The following HS3ST2 variants were observed in gnomAD, a reference collection of about 807,000 sequenced individuals.
The protein encoded by HS3ST2 is heparan sulfate-glucosamine 3-sulfotransferase 2.
A neutral mutation model predicts 26.3 loss-of-function variants in HS3ST2; 17 were observed. The observed-to-expected ratio is 0.65, with a 90% CI of 0.44 to 0.97. HS3ST2 has a LOEUF of 0.97. Ranked by LOEUF, HS3ST2 falls within the 50% of genes least tolerant of loss-of-function variation. The pLI is 0.00. For synonymous variants in HS3ST2, 237 were observed against 219.2 expected (o/e 1.08, Z -0.72); for missense variants, 402 against 501.2 (o/e 0.80, Z 1.89).
rs112435644 is a variant in HS3ST2 at position 22,829,058 on chromosome 16, G to A, written c.485+13963G>A. ...CATCATTCAAATGGCAATTGTGCAA[G>A]CAAGGTAGTCTCTAAAACAGGAACC... On this transcript the variant is annotated intron_variant, in intron 1 of 1. Transcript: ENST00000261374. 7.6e-3 allele frequency among the ~76,000 whole-genome samples: 1,154 copies of A among 152,350 alleles called. 13 individuals carry two copies. Among genetic ancestry groups the A allele is most frequent in the African/African-American group, 0.025 (1,046 of 41,584 alleles).
chr16:22,827,147 C>G (rs1341656218), intron 1 of HS3ST2, among the ~76,000 whole-genome samples: 3 of 152,092 alleles, frequency 2.0e-5, no homozygotes, highest in African/African-American at 7.2e-5. Flanking sequence ...AATGTTCTAG[C>G]AGAAGCAGCA....
At chr16:22,885,329 AG>A (rs917568451) in intron 1 of HS3ST2, among the ~76,000 whole-genome samples, 6 of 150,922 alleles carry the variant, frequency 4.0e-5, no homozygotes, top group African/African-American at 1.5e-4. Flanking sequence ...AATTGAGAGG[AG>A]GGGAAAAAAA....
chr16:22,829,833 T>C (rs1446013582), intron 1 of HS3ST2, among the ~76,000 whole-genome samples: 4 of 152,248 alleles, frequency 2.6e-5, no homozygotes, highest in Non-Finnish European at 4.4e-5. Context: ...TTATTATTGC[T>C]GTCTTGGGTC....
rs998969411 is a variant in HS3ST2 at position 22,903,845 on chromosome 16, G to A, written c.486-11099G>A. ...CAAGCCGTGGGTCACAATAGAAGAG[G>A]CAGAAGGACAGCATTACCCTTTCTT... On this transcript the variant is annotated intron_variant, in intron 1 of 1. Coordinates refer to ENST00000261374, the MANE Select transcript of HS3ST2 (RefSeq NM_006043.2). Among the ~76,000 whole-genome samples, 5 of 152,170 alleles carry A rather than the reference G, an allele frequency of 3.3e-5. No homozygotes were observed. In the East Asian group the frequency reaches 7.7e-4, roughly 23 times the overall value.
intron 1 of HS3ST2, among the ~76,000 whole-genome samples, chr16:22,821,634 C>A (rs534350042): frequency 6.6e-6 from 1 of 152,010 alleles, no homozygotes; most frequent in South Asian, 2.1e-4. Flanking sequence ...GAGCTAACTC[C>A]GGTGCAGGTT....
chr16:22,846,659 A>G (rs1400068923), intron 1 of HS3ST2, among the ~76,000 whole-genome samples: 1 of 152,234 alleles, frequency 6.6e-6, no homozygotes, highest in Admixed American at 6.5e-5. Context: ...GGTTCGAGGA[A>G]CTACCATGTA....
chr16:22,825,906 C>T (rs987988047), intron 1 of HS3ST2, among the ~76,000 whole-genome samples: 3 of 152,104 alleles, frequency 2.0e-5, no homozygotes, highest in Non-Finnish European at 4.4e-5. Context: ...GCCTGTATTC[C>T]CAGCTACTTG....
chr16:22,870,148 A>C (rs1452021611), intron 1 of HS3ST2, among the ~76,000 whole-genome samples: 1 of 152,142 alleles, frequency 6.6e-6, no homozygotes, highest in African/African-American at 2.4e-5. Flanking sequence ...AACTTGGGCC[A>C]CTTGACTGTG....
intron 1 of HS3ST2, among the ~76,000 whole-genome samples, chr16:22,823,989 T>C (rs1203521071): frequency 3.9e-5 from 6 of 152,254 alleles, no homozygotes; most frequent in Admixed American, 3.3e-4. Flanking sequence ...AATGGATTTC[T>C]TCATTATTCT....
chr16:22,877,207 G>A (rs1256721894), intron 1 of HS3ST2, among the ~76,000 whole-genome samples: 4 of 152,226 alleles, frequency 2.6e-5, no homozygotes, highest in Admixed American at 1.3e-4. Context: ...ACAAGAGCCT[G>A]CTGGGTTAGA....
At chr16:22,831,817 G>A (rs1437184646) in intron 1 of HS3ST2, among the ~76,000 whole-genome samples, 3 of 152,082 alleles carry the variant, frequency 2.0e-5, no homozygotes, top group African/African-American at 4.8e-5. Flanking sequence ...GGCCACAAGA[G>A]GCAGACAAGC....
intron 1 of HS3ST2, among the ~76,000 whole-genome samples, chr16:22,894,673 C>A (rs533222194): frequency 6.7e-6 from 1 of 149,816 alleles, no homozygotes; most frequent in African/African-American, 2.5e-5. Context: ...CCAAGGTGGG[C>A]GGATCACTTG....
At chr16:22,871,027 A>G (rs1256045864) in intron 1 of HS3ST2, among the ~76,000 whole-genome samples, 1 of 152,174 alleles carries the variant, frequency 6.6e-6, no homozygotes, top group Non-Finnish European at 1.5e-5. Context: ...ATAGTATTCA[A>G]TAAGTCACAT....
At chr16:22,850,587 G>A (rs189459622) in intron 1 of HS3ST2, among the ~76,000 whole-genome samples, 6 of 152,180 alleles carry the variant, frequency 3.9e-5, no homozygotes, top group East Asian at 1.9e-4. Flanking sequence ...AGGAGTTCGC[G>A]ATCAGCCTGG....
At chr16:22,821,580 G>A (rs1365603018) in intron 1 of HS3ST2, among the ~76,000 whole-genome samples, 1 of 151,986 alleles carries the variant, frequency 6.6e-6, no homozygotes, top group Non-Finnish European at 1.5e-5. Flanking sequence ...GAACTGATAA[G>A]TCACACAGAT....
intron 1 of HS3ST2, among the ~76,000 whole-genome samples, chr16:22,914,679 G>T (rs1162504767): frequency 7.5e-6 from 1 of 133,396 alleles, no homozygotes; most frequent in East Asian, 2.5e-4. Context: ...GGAAGCTGCA[G>T]TGAGCTGTGA....
intron 1 of HS3ST2, among the ~76,000 whole-genome samples, chr16:22,831,285 C>A (rs1215354296): frequency 6.6e-6 from 1 of 152,242 alleles, no homozygotes; most frequent in Non-Finnish European, 1.5e-5. Context: ...CACTAAGATT[C>A]TCCCTGCTTT....
chr16:22,915,692 C>T lies in HS3ST2; in HGVS notation c.*130C>T, dbSNP rs1902486644. On this transcript the variant is annotated 3_prime_UTR_variant, in exon 2 of 2. Coordinates refer to ENST00000261374, the MANE Select transcript of HS3ST2 (RefSeq NM_006043.2). ...CCTTTCCCAACTTGAGTTGCATCAT[C>T]TTGGAACCAGGAAGCCCAGCTAAAG... 4 of 1,024,708 alleles carry T rather than the reference C, an allele frequency of 3.9e-6. No homozygotes were observed. Among genetic ancestry groups the T allele is most frequent in the Non-Finnish European group, 5.7e-6 (4 of 699,032 alleles). 63.5% of individuals were successfully genotyped at this position (1,024,708 alleles called of 1,614,324 possible). A position where few individuals can be genotyped will look rare whatever the true frequency, so the allele number is the denominator to read the frequency against.
At chr16:22,834,199 C>T (rs1436981795) in intron 1 of HS3ST2, among the ~76,000 whole-genome samples, 1 of 151,976 alleles carries the variant, frequency 6.6e-6, no homozygotes, top group African/African-American at 2.4e-5. Flanking sequence ...GGAAATCGTG[C>T]ATTGTGGAAA....
Sources: gnomAD v4.1 joint callset for allele counts (sites outside exome capture counted in the v4.1 genomes callset) on GRCh38, gnomAD v4.1.1 for gene constraint, MANE v1.5 for transcripts, NCBI Gene and HGNC (gene_info 2026-07-23, HGNC 2026-07-21) for gene names.